MYO3A: variants seen among roughly 807,000 people sequenced by gnomAD.
MYO3A encodes the protein myosin IIIA, also known as myosin-IIIa.
MYO3A carries 180 observed loss-of-function variants against 192.7 expected under a neutral mutation model. The ratio of observed to expected loss-of-function variants is 0.93; its 90% CI spans 0.83 to 1.06. The LOEUF (loss-of-function observed/expected upper bound fraction) is 1.06, where lower values mean the gene tolerates loss of function less well. Ranked by LOEUF, MYO3A falls within the 50% of genes least tolerant of loss-of-function variation. MYO3A has a pLI of 0.00. For synonymous variants in MYO3A, 628 were observed against 645.3 expected (o/e 0.97, Z 0.41); for missense variants, 1,896 against 1,905.0 (o/e 1.00, Z 0.09).
At chr10:26,206,092 G>A (rs1281784898) in intron 34 of MYO3A, among the ~76,000 whole-genome samples, 2 of 146,646 alleles carry the variant, frequency 1.4e-5, no homozygotes, top group Non-Finnish European at 3.0e-5. Context: ...AGTGAGTCTC[G>A]CTCTGTCATC....
At chr10:26,052,051 T>C (rs954367487) in intron 10 of MYO3A, among the ~76,000 whole-genome samples, 1 of 152,224 alleles carries the variant, frequency 6.6e-6, no homozygotes, top group Non-Finnish European at 1.5e-5. Context: ...CATAGGAATA[T>C]GCAAACTATG....
intron 18 of MYO3A, among the ~76,000 whole-genome samples, chr10:26,122,575 C>A (rs1413212168): frequency 6.6e-6 from 1 of 152,120 alleles, no homozygotes; most frequent in Non-Finnish European, 1.5e-5. Flanking sequence ...AACTAAGTGA[C>A]CTCCCAGTTG....
intron 10 of MYO3A, among the ~76,000 whole-genome samples, 182 bp downstream of exon 10, chr10:26,026,714 T>C (rs1842564556): frequency 6.6e-6 from 1 of 152,214 alleles, no homozygotes; most frequent in Non-Finnish European, 1.5e-5. Context: ...CACTTTCTTT[T>C]TTTTTGAAAC....
At chr10:25,991,519 T>G (rs934294783) in intron 4 of MYO3A, among the ~76,000 whole-genome samples, 2 of 152,096 alleles carry the variant, frequency 1.3e-5, no homozygotes, top group Admixed American at 6.5e-5. Context: ...TTAGTTTAAT[T>G]AGATCCCATT....
chr10:26,092,206 G>A (rs1392281892), intron 15 of MYO3A, among the ~76,000 whole-genome samples: 1 of 152,192 alleles, frequency 6.6e-6, no homozygotes, highest in African/African-American at 2.4e-5. Context: ...GGTGGCTCAC[G>A]CCTGTAATCC....
intron 4 of MYO3A, among the ~76,000 whole-genome samples, chr10:25,977,892 G>C (rs530504743): frequency 1.3e-5 from 2 of 152,234 alleles, no homozygotes; most frequent in East Asian, 3.9e-4. Context: ...AAGAGTCTCA[G>C]TATTTTGGGG....
At chr10:26,002,100 G>A (rs1840864764) in intron 6 of MYO3A, among the ~76,000 whole-genome samples, 1 of 152,164 alleles carries the variant, frequency 6.6e-6, no homozygotes, top group East Asian at 1.9e-4. Flanking sequence ...TTTTCTTCCA[G>A]CCAGTGGGCA....
chr10:26,053,754 G>A (rs974674424), intron 10 of MYO3A, among the ~76,000 whole-genome samples: 1 of 152,112 alleles, frequency 6.6e-6, no homozygotes, highest in Non-Finnish European at 1.5e-5. Flanking sequence ...GAACCTGGGA[G>A]GTGACGTTTG....
intron 14 of MYO3A, among the ~76,000 whole-genome samples, chr10:26,074,502 G>C (rs1375993786): frequency 6.6e-6 from 1 of 150,414 alleles, no homozygotes; most frequent in Non-Finnish European, 1.5e-5. Context: ...CTGCTCCTTT[G>C]GCCTTAGTGT....
chr10:25,955,423 T>G (rs1283617351), intron 4 of MYO3A, among the ~76,000 whole-genome samples: 3 of 152,152 alleles, frequency 2.0e-5, no homozygotes, highest in African/African-American at 7.2e-5. Flanking sequence ...ATGATTTTCT[T>G]TTTCTGTCTT....
chr10:25,944,385 T>C (rs898257140), intron 2 of MYO3A, among the ~76,000 whole-genome samples: 1 of 152,072 alleles, frequency 6.6e-6, no homozygotes, highest in African/African-American at 2.4e-5. Flanking sequence ...TTGTCTGGTT[T>C]TGGTGTCAGG....
intron 4 of MYO3A, among the ~76,000 whole-genome samples, chr10:25,959,829 C>CTG (rs1384852077): frequency 2.1e-5 from 3 of 141,276 alleles, no homozygotes; most frequent in Non-Finnish European, 4.7e-5. Flanking sequence ...GTGTGTGTGT[C>CTG]TGTGTGTGTA....
chr10:25,997,097 T>C (rs1417396888), intron 5 of MYO3A, 62 bp from the exon 6 acceptor site: 28 of 1,297,828 alleles, frequency 2.2e-5, no homozygotes, highest in Non-Finnish European at 3.1e-5. Flanking sequence ...AGGTACATCA[T>C]CTGAAAATTT....
chr10:26,052,293 C>A (rs1844051131), intron 10 of MYO3A, among the ~76,000 whole-genome samples: 1 of 152,084 alleles, frequency 6.6e-6, no homozygotes, highest in Non-Finnish European at 1.5e-5. Context: ...CTGTGCAGCC[C>A]AGATTAAAGT....
intron 31 of MYO3A, among the ~76,000 whole-genome samples, chr10:26,187,694 A>G (rs1412458479): frequency 3.2e-5 from 4 of 125,560 alleles, no homozygotes; most frequent in African/African-American, 1.3e-4. Context: ...TCCTGTGTCC[A>G]TGTGTTCTCA....
intron 26 of MYO3A, among the ~76,000 whole-genome samples, chr10:26,157,937 TCTA>T (rs999051459): frequency 6.6e-6 from 1 of 152,100 alleles, no homozygotes; most frequent in Non-Finnish European, 1.5e-5. Flanking sequence ...GCTACTGACC[TCTA>T]GTGGGTAGAG....
chr10:26,168,136 C>T (rs1841854047), intron 27 of MYO3A, among the ~76,000 whole-genome samples: 1 of 152,168 alleles, frequency 6.6e-6, no homozygotes, highest in Non-Finnish European at 1.5e-5. Flanking sequence ...TTAATGAAAT[C>T]TGCCTGGGGC....
At chr10:26,031,986 A>G (rs968467875) in intron 10 of MYO3A, among the ~76,000 whole-genome samples, 2 of 152,230 alleles carry the variant, frequency 1.3e-5, no homozygotes, top group Non-Finnish European at 2.9e-5. Flanking sequence ...TTAACATGTT[A>G]ACATCTTAAA....
At chr10:25,957,469 C>T (rs1445921371) in intron 4 of MYO3A, among the ~76,000 whole-genome samples, 1 of 152,080 alleles carries the variant, frequency 6.6e-6, no homozygotes, top group Non-Finnish European at 1.5e-5. Context: ...ATGTCTTTAT[C>T]AGCAGTGTGA....
Sources: gnomAD v4.1 joint callset for allele counts (sites outside exome capture counted in the v4.1 genomes callset) on GRCh38, gnomAD v4.1.1 for gene constraint, MANE v1.5 for transcripts, NCBI Gene and HGNC (gene_info 2026-07-23, HGNC 2026-07-21) for gene names.